SMARCA4: variants seen among roughly 807,000 people sequenced by gnomAD.
SMARCA4 encodes the protein SWI/SNF-related matrix-associated actin-dependent regulator of chromatin subfamily A member 4.
A neutral mutation model predicts 193.9 loss-of-function variants in SMARCA4; 31 were observed. The observed-to-expected ratio is 0.16, with a 90% CI of 0.12 to 0.22. SMARCA4 has a LOEUF of 0.22. Among genes scored for constraint, SMARCA4 ranks in the 10% least tolerant of loss-of-function variants. The probability of loss-of-function intolerance (pLI) is 1.00; values close to 1 mark genes in which losing one functional copy is unlikely to be tolerated. For missense variants in SMARCA4, 1,148 were observed against 2,296.0 expected, an observed-to-expected ratio of 0.50 and a Z score of 10.22; for synonymous variants, 942 against 933.1, an observed-to-expected ratio of 1.01 and a Z score of -0.17.
rs974254506 is a variant in SMARCA4, at chr19:10,986,123, G to A, written c.356-66G>A. 3.3e-5 allele frequency: 44 copies of A among 1,333,750 alleles called. No homozygotes were observed. The Middle Eastern group carries it at 2.9e-3, about 87-fold the overall frequency. The allele number at this position is 1,333,750 out of a possible 1,614,324, so 82.6% of individuals were successfully genotyped here. On this transcript the variant is annotated intron_variant, in intron 3 of 34. Transcript: ENST00000344626. The surrounding 1 kb of genome is among the most constrained non-coding windows in gnomAD (Gnocchi z 6.7). Reference sequence around the variant, plus strand: ...TCTCAGAGTAGGAGCTGGTGTAGGGGGAAGAGGCTGTAAAAATCACAGACA... The same window carrying A: ...TCTCAGAGTAGGAGCTGGTGTAGGGAGAAGAGGCTGTAAAAATCACAGACA...
intron 30 of SMARCA4, among the ~76,000 whole-genome samples, chr19:11,051,827 G>A (rs996152534): frequency 2.6e-5 from 4 of 152,078 alleles, no homozygotes; most frequent in African/African-American, 7.2e-5. Flanking sequence ...GCCGGGTGCT[G>A]TGACTCAGGC....
intron 20 of SMARCA4, 28 bp from the exon 21 acceptor site, chr19:11,024,303 C>G (rs747407015): frequency 1.3e-6 from 2 of 1,532,268 alleles, no homozygotes; most frequent in Non-Finnish European, 1.8e-6. Context: ...CACCTTGGGC[C>G]CTCGTGAGCA....
At chr19:10,973,860 G>A (rs1017139353) in intron 1 of SMARCA4, among the ~76,000 whole-genome samples, 3 of 151,988 alleles carry the variant, frequency 2.0e-5, no homozygotes, top group Non-Finnish European at 2.9e-5. Flanking sequence ...GTGAGCCACC[G>A]CGCCCGGCCT....
chr19:10,987,916 C>T lies in SMARCA4; in HGVS notation c.1110C>T (p.Arg370=), dbSNP rs754575023. ...GLDPVEILQE[R]EYRLQARIAH... ...ACCCTGTGGAGATCCTGCAGGAGCG[C>T]GAGTACAGGTGAGGGCGGGGCCCAG... Residue 370 remains arginine (R), a synonymous_variant, in exon 6 of 35, where the codon CGC becomes CGT. Transcript: ENST00000344626. The surrounding 1 kb of genome is among the most constrained non-coding windows in gnomAD (Gnocchi z 5.3). 33 of 1,612,676 alleles carry T rather than the reference C, an allele frequency of 2.0e-5. No homozygotes were observed. The highest frequency in any genetic ancestry group is 6.6e-5 in the South Asian group (6 of 91,014).
In SMARCA4 at chr19:11,013,122, C is replaced by G. The variant is rs370782232; in HGVS notation, c.2438+10C>G. On this transcript the variant is annotated intron_variant, in intron 16 of 34. Transcript: ENST00000344626. ...TCATCGTGCCTCTCTCGTGAGTACC[C>G]GCTGCCAGCAACATCCCACACGCCG... The G allele has an allele frequency of 6.2e-7, 1 of 1,613,752 alleles. No individual in the cohort carries two copies. Among genetic ancestry groups the G allele is most frequent in the Non-Finnish European group, 8.5e-7 (1 of 1,179,824 alleles).
At chr19:11,004,588 T>C (rs1187835469) in intron 13 of SMARCA4, among the ~76,000 whole-genome samples, 1 of 152,184 alleles carries the variant, frequency 6.6e-6, no homozygotes. Flanking sequence ...CTTATGATTA[T>C]TGTTCACATG....
At chr19:10,995,227 C>T (rs2086915924) in intron 9 of SMARCA4, 2 of 663,202 alleles carry the variant, frequency 3.0e-6, no homozygotes, top group East Asian at 5.9e-5. Context: ...ACTTAGCCGG[C>T]TCCTCTGCCT....
intron 34 of SMARCA4, among the ~76,000 whole-genome samples, chr19:11,060,886 C>T (rs1357703064): frequency 2.6e-5 from 4 of 152,176 alleles, no homozygotes; most frequent in South Asian, 4.1e-4. Context: ...TGACGAAAGA[C>T]GCACGTGACG....
At chr19:11,011,433 CA>C (rs1245448381) in intron 15 of SMARCA4, among the ~76,000 whole-genome samples, 2 of 152,180 alleles carry the variant, frequency 1.3e-5, no homozygotes, top group African/African-American at 2.4e-5. Flanking sequence ...CCATGTCGGC[CA>C]AGCTGGTCTC....
chr19:10,967,481 T>G, intron 1 of SMARCA4, among the ~76,000 whole-genome samples: 1 of 150,620 alleles, frequency 6.6e-6, no homozygotes, highest in Admixed American at 6.6e-5. Context: ...CGGCTAATTT[T>G]TTGTATTTTT....
intron 13 of SMARCA4, among the ~76,000 whole-genome samples, chr19:11,004,567 A>C (rs2087999097): frequency 6.6e-6 from 1 of 151,936 alleles, no homozygotes; most frequent in Non-Finnish European, 1.5e-5. Context: ...TGTGTTAGTC[A>C]CTCTAACCCT....
chr19:10,980,018 T>G (rs2085436891), intron 1 of SMARCA4, among the ~76,000 whole-genome samples: 1 of 152,122 alleles, frequency 6.6e-6, no homozygotes, highest in Non-Finnish European at 1.5e-5. Flanking sequence ...GCTCCACGGC[T>G]CTCCACTTTG....
chr19:11,048,549 G>C (rs1048659951), intron 30 of SMARCA4, among the ~76,000 whole-genome samples: 1 of 152,226 alleles, frequency 6.6e-6, no homozygotes, highest in Non-Finnish European at 1.5e-5. Flanking sequence ...TTGTCCTCTG[G>C]ATTCGGTGTC....
chr19:10,986,541 T>TGGCCCCGGCCCGGGTCCC lies in SMARCA4; in HGVS notation c.714_731dup (p.Gly239_Pro244dup), dbSNP rs1568423542. 3 of 1,540,592 alleles carry TGGCCCCGGCCCGGGTCCC rather than the reference T, an allele frequency of 1.9e-6. No individual in the cohort carries two copies. Among genetic ancestry groups the TGGCCCCGGCCCGGGTCCC allele is most frequent in the East Asian group, 2.4e-5 (1 of 40,888 alleles). The stretch of plus-strand genomic sequence containing the variant: ...CAGGACCCGGCCCTGGCCCTGGCCC[T>TGGCCCCGGCCCGGGTCCC]GGCCCCGGCCCGGGTCCCGGCCCGG... On this transcript the variant is annotated inframe_insertion, in exon 4 of 35. Coordinates refer to ENST00000344626, the MANE Select transcript of SMARCA4 (RefSeq NM_003072.5). The surrounding 1 kb of genome is among the most constrained non-coding windows in gnomAD (Gnocchi z 6.7).
In SMARCA4 at chr19:10,987,726, C is replaced by T. The variant is rs762139955; in HGVS notation, c.920C>T (p.Pro307Leu). Residue 307 changes from proline (P) to leucine (L), a missense_variant, in exon 6 of 35, where the codon CCA (proline) becomes CTA (leucine). This residue lies in a region of SMARCA4 where 257 missense variants were observed against 276.5 expected (regional missense o/e 0.93). Transcript: ENST00000344626. The surrounding 1 kb of genome is among the most constrained non-coding windows in gnomAD (Gnocchi z 5.3). ...STPQKLIPPQ[P>L]TGRPSPAPPA... ...CCTCAGAAGCTGATTCCCCCGCAGC[C>T]AACGGGCCGCCCTTCCCCCGCGCCC... 1.2e-6 allele frequency: 2 copies of T among 1,609,088 alleles called. No individual in the cohort carries two copies. Among genetic ancestry groups the T allele is most frequent in the Non-Finnish European group, 1.7e-6 (2 of 1,177,526 alleles).
intron 24 of SMARCA4, among the ~76,000 whole-genome samples, chr19:11,029,742 C>T (rs952050523): frequency 1.3e-5 from 2 of 152,196 alleles, no homozygotes; most frequent in African/African-American, 4.8e-5. Context: ...GGCATGATCT[C>T]AGCTCACTGC....
chr19:11,046,191 C>T (rs150695086), intron 30 of SMARCA4, among the ~76,000 whole-genome samples: 2,987 of 151,680 alleles, frequency 0.02, 102 homozygotes, highest in African/African-American at 0.068. Context: ...CCACTGCACT[C>T]CAGCCTGGGC....
At chr19:10,983,302 C>T (rs1252183760) in intron 1 of SMARCA4, among the ~76,000 whole-genome samples, 1 of 152,140 alleles carries the variant, frequency 6.6e-6, no homozygotes, top group African/African-American at 2.4e-5. Context: ...TTGTGTAATA[C>T]TTTATCCTTT....
At chr19:11,003,432 G>C (rs2146111133) in intron 13 of SMARCA4, 35 bp downstream of exon 13, 4 of 1,563,204 alleles carry the variant, frequency 2.6e-6, no homozygotes, top group Non-Finnish European at 2.6e-6. Context: ...AAGGCTCTCA[G>C]TGCCCACTGG....
Sources: gnomAD v4.1 joint callset for allele counts (sites outside exome capture counted in the v4.1 genomes callset) on GRCh38, gnomAD v4.1.1 for gene constraint, gnomAD v4.1.1 regional missense constraint, Gnocchi (gnomAD v3.1) non-coding constraint, MANE v1.5 for transcripts, NCBI Gene and HGNC (gene_info 2026-07-23, HGNC 2026-07-21) for gene names.